The following BPTF variants were observed in gnomAD, a reference collection of about 807,000 sequenced individuals.
BPTF encodes bromodomain PHD finger transcription factor, also known as nucleosome-remodeling factor subunit BPTF.
BPTF carries 18 observed loss-of-function variants against 292.5 expected under a neutral mutation model. The ratio of observed to expected loss-of-function variants is 0.06; its 90% CI spans 0.04 to 0.09. The LOEUF (loss-of-function observed/expected upper bound fraction) is 0.09. BPTF is among the 10% of genes least tolerant of loss of function. The probability of loss-of-function intolerance (pLI) is 1.00; values close to 1 mark genes in which losing one functional copy is unlikely to be tolerated. For synonymous variants in BPTF, 1,225 were observed against 1,251.9 expected, an observed-to-expected ratio of 0.98 and a Z score of 0.45; for missense variants, 2,726 against 3,498.7, an observed-to-expected ratio of 0.78 and a Z score of 5.57.
Position 67,912,372 on chromosome 17 carries a change from C to T in BPTF, c.4488C>T (p.Asn1496=), listed in dbSNP as rs148696633. 67 of 1,614,018 alleles carry T rather than the reference C, an allele frequency of 4.2e-5. No individual in the cohort carries two copies. In the African/African-American group the frequency reaches 8.1e-4, roughly 20 times the overall value. The change falls in exon 11 of 28, where the codon AAC becomes AAT. Residue 1496 remains asparagine, a synonymous_variant. Coordinates refer to ENST00000306378, the MANE Select transcript of BPTF (RefSeq NM_182641.4). ...HLLSSSDAEG[N]YRDSLETLPS... is the part of the protein sequence containing the mutation. The stretch of plus-strand genomic sequence containing the variant: ...TGAGTTCTTCAGATGCTGAAGGTAA[C>T]TACCGAGATAGCCTTGAGACCCTGC...
intron 4 of BPTF, among the ~76,000 whole-genome samples, chr17:67,887,125 A>G (rs117505826): frequency 5.2e-4 from 79 of 152,348 alleles, no homozygotes; most frequent in Non-Finnish European, 1.0e-3. Context: ...TTATTCTCTC[A>G]CTTAAATTCA....
At position 67,982,196 on chromosome 17, in the gene BPTF, CATT is replaced by C. The variant is rs781966434; in HGVS notation, c.8727-55_8727-53del. 2.1e-5 allele frequency: 32 copies of C among 1,507,698 alleles called. No individual in the cohort carries two copies. In the East Asian group the frequency reaches 4.5e-4, roughly 21 times the overall value. The allele number at this position is 1,507,698 out of a possible 1,614,324, so 93.4% of individuals were successfully genotyped here. ...TGACCTTGGCATCCGCATAAAGCAT[CATT>C]GTTTTCAAAAATGAAGGGTGCTTAA... is the stretch of plus-strand genomic sequence containing the variant. On this transcript the variant is annotated intron_variant, in intron 27 of 27. Coordinates refer to ENST00000306378, the MANE Select transcript of BPTF (RefSeq NM_182641.4).
intron 23 of BPTF, among the ~76,000 whole-genome samples, chr17:67,952,978 C>T (rs1361273710): frequency 1.2e-4 from 18 of 150,526 alleles, no homozygotes; most frequent in Non-Finnish European, 1.6e-4. Context: ...CTTTTTTTTT[C>T]GAGATAGAGT....
At chr17:67,903,097 C>T (rs577259625) in intron 7 of BPTF, among the ~76,000 whole-genome samples, 1 of 152,322 alleles carries the variant, frequency 6.6e-6, no homozygotes, top group African/African-American at 2.4e-5. Context: ...CAATATGGGC[C>T]GACCTTCCTC....
intron 1 of BPTF, among the ~76,000 whole-genome samples, chr17:67,827,662 G>GA (rs2056218685): frequency 1.3e-5 from 2 of 152,194 alleles, no homozygotes; most frequent in African/African-American, 4.8e-5. Context: ...TAGGGTAGTA[G>GA]AAGTGGTTAA....
chr17:67,882,329 G>T (rs12936366), intron 4 of BPTF, among the ~76,000 whole-genome samples: 2,088 of 152,110 alleles, frequency 0.014, 22 homozygotes, highest in Non-Finnish European at 0.017. Flanking sequence ...TTTTTGGTGG[G>T]TAGTGTTATG....
intron 15 of BPTF, among the ~76,000 whole-genome samples, chr17:67,926,919 TTTTC>T (rs1447880117): frequency 6.6e-6 from 1 of 152,050 alleles, no homozygotes; most frequent in African/African-American, 2.4e-5. Context: ...CTCTTTTTTT[TTTTC>T]TTTCTTTTTT....
chr17:67,954,410 GTT>G (rs2066727622), intron 23 of BPTF, among the ~76,000 whole-genome samples: 1 of 152,038 alleles, frequency 6.6e-6, no homozygotes, highest in East Asian at 1.9e-4. Context: ...AGTGAGAGGA[GTT>G]TTGTTTTTGT....
intron 4 of BPTF, chr17:67,886,375 T>TTGTG (rs1555634838): frequency 7.4e-6 from 9 of 1,221,644 alleles, no homozygotes; most frequent in African/African-American, 3.1e-5. Context: ...TTTCTTTTTT[T>TTGTG]TGTGTGTGTG....
chr17:67,924,206 C>T (rs1416782455), intron 14 of BPTF, among the ~76,000 whole-genome samples: 2 of 152,304 alleles, frequency 1.3e-5, no homozygotes, highest in East Asian at 1.9e-4. Flanking sequence ...CCACCTGCCT[C>T]GGCCTCCCAA....
At chr17:67,927,143 T>A (rs1236355602) in intron 15 of BPTF, among the ~76,000 whole-genome samples, 1 of 152,204 alleles carries the variant, frequency 6.6e-6, no homozygotes, top group African/African-American at 2.4e-5. Flanking sequence ...GGATTGGAAT[T>A]TGATTTTAGC....
At chr17:67,938,788 A>G (rs1263971067) in intron 18 of BPTF, among the ~76,000 whole-genome samples, 1 of 152,256 alleles carries the variant, frequency 6.6e-6, no homozygotes. Flanking sequence ...AAGTTTAGAA[A>G]TAAAAACGTA....
At chr17:67,876,587 C>T (rs2060063475) in intron 4 of BPTF, among the ~76,000 whole-genome samples, 1 of 152,164 alleles carries the variant, frequency 6.6e-6, no homozygotes, top group Non-Finnish European at 1.5e-5. Context: ...GGGCAGATCA[C>T]CTGAGGTCAG....
chr17:67,982,420 A>G lies in BPTF; in HGVS notation c.*132A>G, dbSNP rs2070527804. ...GACCTAAACTTCGTTTTTATTGGTC[A>G]TAACAGTCCAATTATATTCTTGGCC... On this transcript the variant is annotated 3_prime_UTR_variant, in exon 28 of 28. Coordinates refer to ENST00000306378, the MANE Select transcript of BPTF (RefSeq NM_182641.4). The G allele has an allele frequency of 8.1e-6, 6 of 742,734 alleles. No homozygotes were observed. Among genetic ancestry groups the G allele is most frequent in the Admixed American group, 3.3e-5 (1 of 30,060 alleles). The allele number at this position is 742,734 out of a possible 1,614,324, so 46.0% of individuals were successfully genotyped here. A position where few individuals can be genotyped will look rare whatever the true frequency, so the allele number is the denominator to read the frequency against.
At chr17:67,897,392 A>T (rs1021546615) in intron 7 of BPTF, among the ~76,000 whole-genome samples, 1 of 151,328 alleles carries the variant, frequency 6.6e-6, no homozygotes, top group Non-Finnish European at 1.5e-5. Flanking sequence ...AGACATACTA[A>T]CCAATATTTC....
At chr17:67,920,204 A>G in intron 13 of BPTF, 61 bp downstream of exon 13, 1 of 1,530,416 alleles carries the variant, frequency 6.5e-7, no homozygotes, top group South Asian at 1.2e-5. Context: ...TTATGAATTG[A>G]AATTTGATAT....
chr17:67,928,510 A>C lies in BPTF; in HGVS notation c.5907A>C (p.Lys1969Asn). The C allele has an allele frequency of 1.9e-6, 3 of 1,614,164 alleles. No individual in the cohort carries two copies. The highest frequency in any genetic ancestry group is 2.5e-6 in the Non-Finnish European group (3 of 1,180,004). ...GAACCAAAATGGTACTAACTACTAAAGTTGGATCTCCAGCTACAGTAACAT... is the reference window on the plus strand; with the variant it reads ...GAACCAAAATGGTACTAACTACTAACGTTGGATCTCCAGCTACAGTAACAT... ...TTGTKMVLTTKVGSPATVTFQ... is the reference protein window; with the variant it reads ...TTGTKMVLTTNVGSPATVTFQ... The change falls in exon 16 of 28, where the codon AAA (lysine) becomes AAC (asparagine). Residue 1969 changes from lysine to asparagine, a missense_variant. Coordinates refer to ENST00000306378, the MANE Select transcript of BPTF (RefSeq NM_182641.4).
rs2062717783 is a variant in BPTF at position 67,912,454 on chromosome 17, G to C, written c.4570G>C (p.Glu1524Gln). The C allele has an allele frequency of 6.2e-7, 1 of 1,613,734 alleles. No individual in the cohort carries two copies. Residue 1524 changes from glutamate (E) to glutamine (Q), a missense_variant, in exon 11 of 28, where the codon GAA becomes CAA. Transcript: ENST00000306378. ...QTTTPSASCP[E>Q]SNSVNQVEDM... ...GACCACACCCTCAGCATCTTGTCCA[G>C]AAAGCAATTCAGTTAATCAGGTAGA...
At chr17:67,949,986 G>A (rs1310559458) in intron 23 of BPTF, among the ~76,000 whole-genome samples, 3 of 147,976 alleles carry the variant, frequency 2.0e-5, no homozygotes, top group Non-Finnish European at 1.5e-5. Flanking sequence ...CTAGGAAGGT[G>A]GAGGTTGCAG....
Sources: allele counts gnomAD v4.1 joint callset (sites outside exome capture counted in the v4.1 genomes callset), GRCh38; gene constraint gnomAD v4.1.1; transcripts MANE v1.5; gene names NCBI Gene and HGNC (gene_info 2026-07-23, HGNC 2026-07-21).